Variants in STPG2 observed in about 807,000 individuals in gnomAD.
STPG2 encodes the protein sperm tail PG-rich repeat containing 2, also known as sperm-tail PG-rich repeat-containing protein 2.
A neutral mutation model predicts 54.2 loss-of-function variants in STPG2; 56 were observed. The ratio of observed to expected loss-of-function variants is 1.03; its 90% CI spans 0.83 to 1.29. STPG2 has a LOEUF of 1.29. Ranked by LOEUF, STPG2 falls within the 50% of genes most tolerant of loss-of-function variation. The pLI is 0.00. For missense variants in STPG2, 596 were observed against 544.9 expected, an observed-to-expected ratio of 1.09 and a Z score of -0.93; for synonymous variants, 200 against 181.8, an observed-to-expected ratio of 1.10 and a Z score of -0.81.
chr4:98,014,895 A>AT lies in STPG2; in HGVS notation c.613-33578dup, dbSNP rs779688356. Among the ~76,000 whole-genome samples, 5 of 151,702 alleles carry AT rather than the reference A, an allele frequency of 3.3e-5. No individual in the cohort carries two copies. In the East Asian group the frequency reaches 5.8e-4, roughly 18 times the overall value. ...GGAAGGTATAATATTCTTCGTTGAC[A>AT]TTTTTTTTCTTTCAGCATTTAAAAT... On this transcript the variant is annotated intron_variant, in intron 5 of 10. Coordinates refer to ENST00000295268, the MANE Select transcript of STPG2 (RefSeq NM_174952.3).
chr4:97,894,800 C>T (rs561392013), intron 8 of STPG2, among the ~76,000 whole-genome samples: 1 of 151,900 alleles, frequency 6.6e-6, no homozygotes, highest in African/African-American at 2.4e-5. Flanking sequence ...GGGGTCTCAA[C>T]AATAGCTGTC....
At chr4:97,576,137 C>G (rs879476398) in intron 10 of STPG2, among the ~76,000 whole-genome samples, 1 of 152,010 alleles carries the variant, frequency 6.6e-6, no homozygotes. Flanking sequence ...GAAAAACAAT[C>G]CATGCTCATG....
At chr4:98,034,699 T>C (rs577410396) in intron 5 of STPG2, among the ~76,000 whole-genome samples, 68 of 152,286 alleles carry the variant, frequency 4.5e-4, no homozygotes, top group Admixed American at 4.3e-3. Context: ...CTTTAAACTA[T>C]ACTACAAGCC....
At chr4:97,559,278 ATTAC>A (rs1277192764) in intron 10 of STPG2, among the ~76,000 whole-genome samples, 161 bp from the exon 11 acceptor site, 1 of 152,224 alleles carries the variant, frequency 6.6e-6, no homozygotes, top group Non-Finnish European at 1.5e-5. Context: ...AGCTTGTTTT[ATTAC>A]TTCGTTCAAA....
chr4:97,502,490 A>G (rs1313857675), intron 4 of STPG2, among the ~76,000 whole-genome samples: 1 of 152,062 alleles, frequency 6.6e-6, no homozygotes, highest in South Asian at 2.1e-4. Flanking sequence ...GCAAATGGCT[A>G]TCATTCACAG....
chr4:97,703,744 GTA>G (rs71588913), intron 10 of STPG2, among the ~76,000 whole-genome samples: 2 of 140,000 alleles, frequency 1.4e-5, no homozygotes, highest in African/African-American at 2.6e-5. Flanking sequence ...ATATATTATC[GTA>G]TATATATAGT....
intron 10 of STPG2, among the ~76,000 whole-genome samples, chr4:97,671,807 A>G (rs1182713159): frequency 6.6e-6 from 1 of 152,156 alleles, no homozygotes; most frequent in Non-Finnish European, 1.5e-5. Flanking sequence ...ATCTCTTAGG[A>G]TTGTTATGAG....
intron 9 of STPG2, among the ~76,000 whole-genome samples, chr4:97,818,408 C>T (rs1727980623): frequency 6.6e-6 from 1 of 151,766 alleles, no homozygotes; most frequent in Admixed American, 6.6e-5. Context: ...TAAAGTAGAA[C>T]AATTACAACA....
chr4:98,084,659 G>C (rs1738453162), intron 5 of STPG2, among the ~76,000 whole-genome samples: 1 of 151,978 alleles, frequency 6.6e-6, no homozygotes, highest in Admixed American at 6.6e-5. Flanking sequence ...ATTTAAATGG[G>C]GGTGCCTTGG....
In STPG2 at chr4:97,923,372, C is replaced by T. The variant is rs545322755; in HGVS notation, c.1044+20525G>A. Among the ~76,000 whole-genome samples, 398 of 152,176 alleles carry T rather than the reference C, an allele frequency of 2.6e-3. 1 individual carries two copies. The highest frequency in any genetic ancestry group is 3.9e-3 in the Non-Finnish European group (263 of 68,000). On this transcript the variant is annotated intron_variant, in intron 8 of 10. Transcript: ENST00000295268. ...TGCCGCCCCCTGCTCCAGGGCGCCC[C>T]GTCCCATCGACTGCCCAAGGGCTAA...
chr4:97,732,083 C>T (rs1292957055), intron 9 of STPG2, among the ~76,000 whole-genome samples: 4 of 151,864 alleles, frequency 2.6e-5, no homozygotes, highest in African/African-American at 7.3e-5. Flanking sequence ...GACAGCCCTG[C>T]TCTCTCTCAG....
At chr4:98,128,323 C>T (rs768024728) in intron 3 of STPG2, 105 bp downstream of exon 3, 26 of 1,079,088 alleles carry the variant, frequency 2.4e-5, no homozygotes, top group South Asian at 8.8e-5. Flanking sequence ...TTAACTAAAA[C>T]GTGTAATCAT....
intron 9 of STPG2, among the ~76,000 whole-genome samples, chr4:97,783,766 C>G (rs770019645): frequency 6.6e-6 from 1 of 152,142 alleles, no homozygotes; most frequent in Non-Finnish European, 1.5e-5. Context: ...AGTTCACATC[C>G]TTTGTAGAGA....
chr4:97,757,814 G>C (rs1725777537), intron 9 of STPG2, among the ~76,000 whole-genome samples: 1 of 152,128 alleles, frequency 6.6e-6, no homozygotes, highest in Non-Finnish European at 1.5e-5. Context: ...TGAATAAGTT[G>C]TGAGGTTAAA....
intron 8 of STPG2, among the ~76,000 whole-genome samples, chr4:97,931,104 A>T (rs182022466): frequency 6.6e-6 from 1 of 152,334 alleles, no homozygotes; most frequent in Non-Finnish European, 1.5e-5. Flanking sequence ...GGGATTTTCT[A>T]AATATAGGAT....
chr4:97,877,368 G>T (rs1484576795), intron 8 of STPG2, among the ~76,000 whole-genome samples: 1 of 152,094 alleles, frequency 6.6e-6, no homozygotes, highest in African/African-American at 2.4e-5. Flanking sequence ...TTTCTCAAAA[G>T]AAGACACATA....
At chr4:97,894,231 G>A (rs890517496) in intron 8 of STPG2, among the ~76,000 whole-genome samples, 6 of 151,752 alleles carry the variant, frequency 4.0e-5, no homozygotes, top group African/African-American at 1.5e-4. Flanking sequence ...TGTAATACAG[G>A]TGACTCATGA....
intron 7 of STPG2, among the ~76,000 whole-genome samples, chr4:97,971,431 A>T (rs900254129): frequency 2.0e-5 from 3 of 152,220 alleles, no homozygotes; most frequent in Non-Finnish European, 4.4e-5. Flanking sequence ...GACTAGTTTA[A>T]GAAAATGTGG....
intron 9 of STPG2, among the ~76,000 whole-genome samples, chr4:97,748,312 T>C (rs1421300222): frequency 2.6e-5 from 4 of 151,586 alleles, no homozygotes; most frequent in Non-Finnish European, 4.4e-5. Context: ...TTTGTCATTA[T>C]TTAAACAATT....
Sources: allele counts gnomAD v4.1 joint callset (sites outside exome capture counted in the v4.1 genomes callset), GRCh38; gene constraint gnomAD v4.1.1; transcripts MANE v1.5; gene names NCBI Gene and HGNC (gene_info 2026-07-23, HGNC 2026-07-21).